The following ZNF544 variants were observed in gnomAD, a reference collection of about 807,000 sequenced individuals.
ZNF544 encodes zinc finger protein AF020591.
A neutral mutation model predicts 13.5 loss-of-function variants in ZNF544; 10 were observed. The observed-to-expected ratio is 0.74, with a 90% confidence interval of 0.46 to 1.25. The LOEUF is 1.25. Ranked by LOEUF, ZNF544 falls within the 50% of genes most tolerant of loss-of-function variation. The pLI is 0.00. For synonymous variants in ZNF544, 323 were observed against 300.5 expected (o/e 1.07, Z -0.77); for missense variants, 896 against 845.6 (o/e 1.06, Z -0.74).
At chr19:58,276,807 C>T (rs1600445841) in intron 6 of ZNF544, among the ~76,000 whole-genome samples, 1 of 152,316 alleles carries the variant, frequency 6.6e-6, no homozygotes. Context: ...GGTTAAAGAT[C>T]GAATTGGCTT....
intron 3 of ZNF544, chr19:58,242,244 A>G: frequency 1.0e-6 from 1 of 985,358 alleles, no homozygotes; most frequent in Non-Finnish European, 1.2e-6. Context: ...GTGAGTCCCC[A>G]GCACCGCAAC....
rs1555768229 is a variant in ZNF544, at chr19:58,261,559, G to T, written c.953G>T (p.Arg318Ile). The change falls in exon 7 of 7, where the codon AGA becomes ATA. Residue 318 changes from arginine (R) to isoleucine (I), a missense_variant. Arg to Ile is a moderately conservative substitution (Grantham distance 97). Coordinates refer to ENST00000687789, the MANE Select transcript of ZNF544 (RefSeq NM_014480.4). ...SESLCLVQTERSGPGETPFRC... is the reference protein window; with the variant it reads ...SESLCLVQTEISGPGETPFRC... ...AGTCTGTGCCTTGTACAAACAGAAAGAAGTGGCCCTGGAGAGACCCCCTTC... is the reference window on the plus strand; with the variant it reads ...AGTCTGTGCCTTGTACAAACAGAAATAAGTGGCCCTGGAGAGACCCCCTTC... 6.2e-6 allele frequency: 10 copies of T among 1,614,110 alleles called. No homozygotes were observed. The South Asian group carries it at 1.1e-4, about 18-fold the overall frequency.
chr19:58,241,179 ATTT>A (rs57421577), intron 3 of ZNF544, among the ~76,000 whole-genome samples: 13 of 72,726 alleles, frequency 1.8e-4, no homozygotes, highest in East Asian at 1.6e-3. Flanking sequence ...ATATATATAT[ATTT>A]TTTTTTTTTT....
In ZNF544 at chr19:58,262,789, G is replaced by A. The variant is rs2049273939; in HGVS notation, c.*35G>A. On this transcript the variant is annotated 3_prime_UTR_variant, in exon 7 of 7. Coordinates refer to ENST00000687789, the MANE Select transcript of ZNF544 (RefSeq NM_014480.4). ...CATTGTGGGAAAGCTTTCATCCAGA[G>A]GTCTCCCCTCATCATGCACCAGAGG... The A allele has an allele frequency of 6.4e-7, 1 of 1,558,806 alleles. No individual in the cohort carries two copies. Among genetic ancestry groups the A allele is most frequent in the East Asian group, 2.3e-5 (1 of 44,382 alleles).
intron 3 of ZNF544, 54 bp from the exon 4 acceptor site, chr19:58,243,911 C>G: frequency 2.1e-6 from 3 of 1,441,506 alleles, no homozygotes; most frequent in Non-Finnish European, 2.8e-6. Context: ...GGGTGTTGGC[C>G]CTGGAGGTTT....
At chr19:58,271,459 G>A (rs950564830) in intron 5 of ZNF544, among the ~76,000 whole-genome samples, 1 of 151,748 alleles carries the variant, frequency 6.6e-6, no homozygotes, top group Non-Finnish European at 1.5e-5. Flanking sequence ...AAAATTAGCC[G>A]GGCATAGTAG....
At chr19:58,243,938 T>A (rs1392798150) in intron 3 of ZNF544, 27 bp from the exon 4 acceptor site, 1 of 1,519,856 alleles carries the variant, frequency 6.6e-7, no homozygotes, top group Non-Finnish European at 8.9e-7. Flanking sequence ...GCCGAGGGGC[T>A]GAATCTCTGC....
intron 6 of ZNF544, 197 bp from the exon 7 acceptor site, chr19:58,260,654 G>C (rs1775433575): frequency 1.9e-6 from 1 of 537,182 alleles, no homozygotes; most frequent in African/African-American, 1.9e-5. Context: ...TATTATGTTT[G>C]CTTGTATTTT....
chr19:58,236,736 C>T (rs1321146328), intron 3 of ZNF544, among the ~76,000 whole-genome samples: 1 of 147,172 alleles, frequency 6.8e-6, no homozygotes, highest in Admixed American at 7.0e-5. Flanking sequence ...ATGTATCATT[C>T]TGTGAAACTT....
At chr19:58,242,527 T>TC (rs2044123058) in intron 3 of ZNF544, among the ~76,000 whole-genome samples, 1 of 151,878 alleles carries the variant, frequency 6.6e-6, no homozygotes, top group Admixed American at 6.6e-5. Flanking sequence ...CGCTTTTTTT[T>TC]TTTTGAGACA....
At chr19:58,260,777 G>A (rs1029675558) in intron 6 of ZNF544, 74 bp from the exon 7 acceptor site, 20 of 1,345,032 alleles carry the variant, frequency 1.5e-5, no homozygotes, top group Non-Finnish European at 2.0e-5. Context: ...TTAAACAGTT[G>A]TCTCCTTCAT....
chr19:58,231,350 C>T (rs1346844697), intron 3 of ZNF544, among the ~76,000 whole-genome samples: 2 of 152,170 alleles, frequency 1.3e-5, no homozygotes, highest in Admixed American at 6.5e-5. Flanking sequence ...GCCTTGGTTT[C>T]CTCATTTAGA....
At chr19:58,248,267 T>C (rs1313759738) in intron 6 of ZNF544, among the ~76,000 whole-genome samples, 1 of 143,614 alleles carries the variant, frequency 7.0e-6, no homozygotes, top group Non-Finnish European at 1.5e-5. Context: ...TCATGCTTTT[T>C]TTTTTCTTTT....
In ZNF544 at chr19:58,262,444, T is replaced by A; in HGVS notation, c.1838T>A (p.Phe613Tyr). 1 of 1,614,214 alleles carries A rather than the reference T, an allele frequency of 6.2e-7. No individual in the cohort carries two copies. Among genetic ancestry groups the A allele is most frequent in the Non-Finnish European group, 8.5e-7 (1 of 1,180,038 alleles). Residue 613 changes from phenylalanine to tyrosine, a missense_variant, in exon 7 of 7, where the codon TTC becomes TAC. Physicochemically the swap from Phe to Tyr is conservative, Grantham distance 22. Coordinates refer to ENST00000687789, the MANE Select transcript of ZNF544 (RefSeq NM_014480.4). ...GAATGTAACGAGTGTGGAAAAGCCT[T>A]CAATCGAAGCACTCAGCTCATCAGG... ...PYECNECGKA[F>Y]NRSTQLIRHL...
Position 58,261,758 on chromosome 19 carries a change from G to A in ZNF544, c.1152G>A (p.Gln384=). The change falls in exon 7 of 7, where the codon CAG becomes CAA. Residue 384 remains glutamine (Q), a synonymous_variant. Coordinates refer to ENST00000687789, the MANE Select transcript of ZNF544 (RefSeq NM_014480.4). ...HTGEKPFECT[Q]CGKSFSQSYD... is the part of the protein sequence containing the mutation. ...GAGAAAAGCCCTTCGAATGTACTCA[G>A]TGTGGGAAATCTTTTAGCCAGAGCT... 6.2e-7 allele frequency: 1 copy of A among 1,614,172 alleles called. No homozygotes were observed. The highest frequency in any genetic ancestry group is 1.3e-5 in the African/African-American group (1 of 75,032).
At chr19:58,243,310 G>A (rs1366851589) in intron 3 of ZNF544, among the ~76,000 whole-genome samples, 2 of 151,994 alleles carry the variant, frequency 1.3e-5, no homozygotes, top group African/African-American at 4.8e-5. Flanking sequence ...TGCCGATGTG[G>A]CGATGGGAGT....
intron 6 of ZNF544, chr19:58,258,925 T>TC (rs2048294387): frequency 6.6e-6 from 1 of 152,128 alleles, no homozygotes; most frequent in African/African-American, 2.4e-5. Context: ...CCTCTGCCAC[T>TC]CATTTTTAGA....
At chr19:58,245,746 AGT>A (rs1371392198) in intron 4 of ZNF544, 1 of 167,008 alleles carries the variant, frequency 6.0e-6, no homozygotes, top group Admixed American at 5.4e-5. Flanking sequence ...CCCGATTTAG[AGT>A]GTCTTTCTTA....
intron 3 of ZNF544, among the ~76,000 whole-genome samples, chr19:58,231,385 T>C (rs1049883115): frequency 3.3e-5 from 5 of 152,150 alleles, no homozygotes; most frequent in African/African-American, 4.8e-5. Flanking sequence ...CTGTTAATTG[T>C]CTTTGTGGGG....
Sources: gnomAD v4.1 joint callset for allele counts (sites outside exome capture counted in the v4.1 genomes callset) on GRCh38, gnomAD v4.1.1 for gene constraint, MANE v1.5 for transcripts, NCBI Gene and HGNC (gene_info 2026-07-23, HGNC 2026-07-21) for gene names.